CEP112: variants seen among roughly 807,000 people sequenced by gnomAD.
CEP112 encodes centrosomal protein of 112 kDa.
Under a neutral mutation model 153.0 loss-of-function variants are expected in CEP112, and 127 were observed. That is an observed-to-expected ratio of 0.83 (90% CI 0.72 to 0.96). CEP112 has a LOEUF of 0.96. Ranked by LOEUF, CEP112 falls within the 40% of genes least tolerant of loss-of-function variation. CEP112 has a pLI of 0.00. For missense variants in CEP112, 1,089 were observed against 1,101.2 expected, an observed-to-expected ratio of 0.99 and a Z score of 0.16; for synonymous variants, 358 against 374.4, an observed-to-expected ratio of 0.96 and a Z score of 0.51.
intron 16 of CEP112, among the ~76,000 whole-genome samples, chr17:66,022,712 A>G (rs74417040): frequency 0.21 from 590 of 2,794 alleles, 30 homozygotes; most frequent in Middle Eastern, 0.4. Flanking sequence ...CCGCCTCAAG[A>G]AAAAAAAAAA....
intron 23 of CEP112, among the ~76,000 whole-genome samples, chr17:65,693,263 G>A (rs531950322): frequency 1.3e-4 from 20 of 151,898 alleles, no homozygotes; most frequent in Middle Eastern, 3.4e-3. Flanking sequence ...TACATACCCC[G>A]TTACACCTGC....
At chr17:65,816,310 T>G (rs1253674612) in intron 21 of CEP112, among the ~76,000 whole-genome samples, 1 of 151,998 alleles carries the variant, frequency 6.6e-6, no homozygotes, top group Non-Finnish European at 1.5e-5. Flanking sequence ...TTCCCATAGG[T>G]TATTGGGGAA....
chr17:65,812,003 AT>A (rs927430606), intron 21 of CEP112, among the ~76,000 whole-genome samples: 19 of 150,360 alleles, frequency 1.3e-4, no homozygotes, highest in Admixed American at 4.0e-4. Context: ...ATTAAAATAC[AT>A]TTTTTTTTCT....
At chr17:65,985,007 T>C (rs2063352321) in intron 17 of CEP112, among the ~76,000 whole-genome samples, 1 of 152,154 alleles carries the variant, frequency 6.6e-6, no homozygotes, top group South Asian at 2.1e-4. Context: ...AGGAGAAGTT[T>C]TGGTAACATC....
chr17:66,147,170 CT>C (rs988931467), intron 4 of CEP112, among the ~76,000 whole-genome samples: 2 of 144,236 alleles, frequency 1.4e-5, no homozygotes, highest in South Asian at 2.4e-4. Flanking sequence ...CTCACCAACA[CT>C]TTTTTTTTCA....
At chr17:66,187,223 C>T (rs11868565) in intron 1 of CEP112, among the ~76,000 whole-genome samples, 5,196 of 148,142 alleles carry the variant, frequency 0.035, 132 homozygotes, top group Middle Eastern at 0.061. Flanking sequence ...ATTTTCCTCA[C>T]CTGTTCCAGA....
At chr17:65,887,624 G>A (rs558341199) in intron 20 of CEP112, among the ~76,000 whole-genome samples, 29 of 152,244 alleles carry the variant, frequency 1.9e-4, no homozygotes, top group African/African-American at 6.7e-4. Flanking sequence ...CAGCAAATGC[G>A]GTGCTAGGGC....
At chr17:66,046,573 T>C (rs2066219523) in intron 12 of CEP112, among the ~76,000 whole-genome samples, 1 of 152,184 alleles carries the variant, frequency 6.6e-6, no homozygotes, top group South Asian at 2.1e-4. Context: ...AAAAATTAAA[T>C]CACATTTTTT....
At chr17:65,905,364 T>C (rs2060031055) in intron 19 of CEP112, among the ~76,000 whole-genome samples, 1 of 152,194 alleles carries the variant, frequency 6.6e-6, no homozygotes, top group South Asian at 2.1e-4. Context: ...TCATCATCAC[T>C]GGTCATTAGA....
At position 66,096,512 on chromosome 17, in the gene CEP112, T is replaced by C. The variant is rs1042127471; in HGVS notation, c.690+73A>G. On this transcript the variant is annotated intron_variant, in intron 7 of 26. Transcript: ENST00000535342. ...CCTAATGTAGATCCGCATTATTTTC[T>C]ATAAATAACTTAGTGATTATTTTAT... 11 of 1,185,560 alleles carry C rather than the reference T, an allele frequency of 9.3e-6. No homozygotes were observed. The African/African-American group carries it at 1.4e-4, about 15-fold the overall frequency. The allele number at this position is 1,185,560 out of a possible 1,614,324, so 73.4% of individuals were successfully genotyped here. A position where few individuals can be genotyped will look rare whatever the true frequency, so the allele number is the denominator to read the frequency against.
intron 4 of CEP112, among the ~76,000 whole-genome samples, chr17:66,162,812 C>G (rs1206413703): frequency 4.6e-5 from 7 of 152,028 alleles, no homozygotes; most frequent in African/African-American, 1.7e-4. Flanking sequence ...CTATCTTGAC[C>G]TGGAAAGAGA....
intron 24 of CEP112, among the ~76,000 whole-genome samples, chr17:65,650,777 AG>A (rs1285555648): frequency 6.8e-6 from 1 of 146,216 alleles, no homozygotes; most frequent in African/African-American, 2.5e-5. Flanking sequence ...CATGGTGGTG[AG>A]TGCCTGTAGT....
At chr17:65,651,749 G>A (rs1165731562) in intron 24 of CEP112, among the ~76,000 whole-genome samples, 2 of 151,448 alleles carry the variant, frequency 1.3e-5, no homozygotes. Flanking sequence ...CACCCAGGCA[G>A]AAGTGCAGTG....
intron 18 of CEP112, among the ~76,000 whole-genome samples, chr17:65,929,761 C>T (rs1023583006): frequency 7.2e-5 from 11 of 152,166 alleles, no homozygotes; most frequent in Non-Finnish European, 1.6e-4. Flanking sequence ...CAAATGAAAA[C>T]AAAGATTGCA....
intron 24 of CEP112, among the ~76,000 whole-genome samples, chr17:65,682,022 C>G (rs1470132411): frequency 6.6e-6 from 1 of 151,456 alleles, no homozygotes; most frequent in Non-Finnish European, 1.5e-5. Flanking sequence ...GAGATGGAGT[C>G]TCACTCTGTC....
intron 21 of CEP112, among the ~76,000 whole-genome samples, chr17:65,803,654 C>T (rs2055414781): frequency 1.3e-5 from 2 of 152,128 alleles, no homozygotes; most frequent in South Asian, 2.1e-4. Flanking sequence ...AAAGGTAAAA[C>T]CCCTGTTCTT....
chr17:65,864,913 AGTGTGTGTGTGTGTGTGTGTGT>A (rs6146121), intron 20 of CEP112, among the ~76,000 whole-genome samples: 12,263 of 144,398 alleles, frequency 0.085, 549 homozygotes, highest in East Asian at 0.12. Flanking sequence ...GGGGTAAGCA[AGTGTGTGTGTGTGTGTGTGTGT>A]GTGTGTGTGT....
At position 66,069,926 on chromosome 17, in the gene CEP112, C is replaced by G. The variant is rs149597743; in HGVS notation, c.844G>C (p.Asp282His). The change falls in exon 9 of 27, where the codon GAT becomes CAT. Residue 282 changes from aspartate to histidine, a missense_variant. Asp to His is a moderately conservative substitution (Grantham distance 81). Transcript: ENST00000535342. The part of the protein sequence containing the change: ...KLKLQQKHDA[D>H]VQKILERKNN... ...GATATATATCCTACCTTCTGAACAT[C>G]AGCATCATGTTTCTGTTGCAGTTTA... 1.3e-5 allele frequency: 21 copies of G among 1,593,536 alleles called. No individual in the cohort carries two copies. The African/African-American group carries it at 2.4e-4, about 18-fold the overall frequency.
chr17:65,898,715 GC>G (rs1207662148), intron 20 of CEP112, among the ~76,000 whole-genome samples: 10 of 152,214 alleles, frequency 6.6e-5, no homozygotes, highest in Admixed American at 6.5e-4. Context: ...CTGCAAGGTT[GC>G]TGCATTTAAT....
Sources: gnomAD v4.1 joint callset for allele counts (sites outside exome capture counted in the v4.1 genomes callset) on GRCh38, gnomAD v4.1.1 for gene constraint, MANE v1.5 for transcripts, NCBI Gene and HGNC (gene_info 2026-07-23, HGNC 2026-07-21) for gene names.